The following SH3RF1 variants were observed in gnomAD, a reference collection of about 807,000 sequenced individuals.
SH3RF1 encodes SH3 domain containing ring finger 1.
Under a neutral mutation model 74.0 loss-of-function variants are expected in SH3RF1, and 32 were observed. That is an observed-to-expected ratio of 0.43 (90% CI 0.33 to 0.58). The LOEUF is 0.58. Ranked by LOEUF, SH3RF1 falls within the 20% of genes least tolerant of loss-of-function variation. The probability of loss-of-function intolerance (pLI) is 0.05; values close to 1 mark genes in which losing one functional copy is unlikely to be tolerated. For synonymous variants in SH3RF1, 396 were observed against 439.6 expected, an observed-to-expected ratio of 0.90 and a Z score of 1.24; for missense variants, 954 against 1,130.9, an observed-to-expected ratio of 0.84 and a Z score of 2.24.
chr4:169,211,481 C>CAAAAAA, intron 2 of SH3RF1, among the ~76,000 whole-genome samples: 1 of 90,964 alleles, frequency 1.1e-5, no homozygotes, highest in East Asian at 2.9e-4. Flanking sequence ...GACTCCGTCT[C>CAAAAAA]AAAAAAAAAA....
chr4:169,124,723 T>C (rs1733497142), intron 6 of SH3RF1, among the ~76,000 whole-genome samples: 1 of 152,238 alleles, frequency 6.6e-6, no homozygotes, highest in South Asian at 2.1e-4. Flanking sequence ...GATAGGGTTC[T>C]GGTGACTCCA....
chr4:169,270,834 A>G (rs1731439076), intron 1 of SH3RF1, 25 bp downstream of exon 1: 1 of 151,900 alleles, frequency 6.6e-6, no homozygotes, highest in East Asian at 2.0e-4. Context: ...GTCCCCGTCG[A>G]CCCCGCGCCG....
intron 2 of SH3RF1, among the ~76,000 whole-genome samples, chr4:169,198,816 G>A (rs1293495957): frequency 1.3e-5 from 2 of 152,098 alleles, no homozygotes; most frequent in East Asian, 1.9e-4. Flanking sequence ...AGACTTCAAC[G>A]GAAACAATAG....
chr4:169,157,476 G>T (rs980652619), intron 2 of SH3RF1, among the ~76,000 whole-genome samples: 6 of 152,188 alleles, frequency 3.9e-5, no homozygotes, highest in Non-Finnish European at 8.8e-5. Flanking sequence ...TTAAAATTGT[G>T]TACATAAACC....
intron 9 of SH3RF1, 94 bp from the exon 10 acceptor site, chr4:169,116,724 T>C (rs567915856): frequency 3.8e-5 from 55 of 1,435,862 alleles, no homozygotes; most frequent in Middle Eastern, 2.6e-4. Context: ...CAGACCATGA[T>C]GAAAGGCTGC....
chr4:169,138,556 G>GT (rs1733735317), intron 4 of SH3RF1, among the ~76,000 whole-genome samples: 1 of 152,226 alleles, frequency 6.6e-6, no homozygotes, highest in Non-Finnish European at 1.5e-5. Context: ...TCCTGTCCCA[G>GT]TGAGTAAGAA....
chr4:169,217,782 G>A (rs574697440), intron 2 of SH3RF1, among the ~76,000 whole-genome samples: 4 of 152,180 alleles, frequency 2.6e-5, no homozygotes, highest in East Asian at 1.9e-4. Flanking sequence ...AGTGATGGTC[G>A]CTCAACAATG....
chr4:169,259,827 T>C (rs1731248802), intron 2 of SH3RF1, among the ~76,000 whole-genome samples: 1 of 152,228 alleles, frequency 6.6e-6, no homozygotes, highest in African/African-American at 2.4e-5. Context: ...TATGTCGCTA[T>C]GTGTAGTATT....
At chr4:169,177,736 T>G (rs897166729) in intron 2 of SH3RF1, among the ~76,000 whole-genome samples, 1 of 152,198 alleles carries the variant, frequency 6.6e-6, no homozygotes, top group African/African-American at 2.4e-5. Flanking sequence ...TGCTTACATA[T>G]ATGTAAACAA....
intron 2 of SH3RF1, 152 bp downstream of exon 2, chr4:169,268,668 G>A (rs1731393253): frequency 5.4e-6 from 4 of 745,534 alleles, no homozygotes; most frequent in African/African-American, 1.8e-5. Flanking sequence ...CCAAGATGGG[G>A]GAAAAAAATA....
chr4:169,120,634 TG>T (rs1733422103), intron 8 of SH3RF1, among the ~76,000 whole-genome samples, 184 bp downstream of exon 8: 1 of 152,166 alleles, frequency 6.6e-6, no homozygotes. Flanking sequence ...CATATATCCA[TG>T]TGAAAATAAG....
chr4:169,123,863 A>G (rs1023654362), intron 6 of SH3RF1, among the ~76,000 whole-genome samples: 1 of 151,748 alleles, frequency 6.6e-6, no homozygotes, highest in East Asian at 1.9e-4. Flanking sequence ...CTGCACTCCA[A>G]CCTGGGTGAC....
intron 4 of SH3RF1, among the ~76,000 whole-genome samples, chr4:169,138,647 T>C (rs1465943336): frequency 6.6e-6 from 1 of 152,172 alleles, no homozygotes; most frequent in Non-Finnish European, 1.5e-5. Flanking sequence ...CTAGTTGATA[T>C]CATGTTTAGA....
chr4:169,155,404 T>C (rs1176907561), intron 4 of SH3RF1, 76 bp downstream of exon 4: 3 of 1,150,176 alleles, frequency 2.6e-6, no homozygotes, highest in Non-Finnish European at 3.9e-6. Flanking sequence ...GACTTCTTAA[T>C]ACTCAAATTG....
intron 5 of SH3RF1, among the ~76,000 whole-genome samples, chr4:169,135,542 G>A (rs912044476): frequency 2.6e-5 from 4 of 152,150 alleles, no homozygotes; most frequent in South Asian, 4.1e-4. Context: ...TAGCAGCCCC[G>A]TGGCTTGGGC....
intron 2 of SH3RF1, among the ~76,000 whole-genome samples, chr4:169,262,564 G>A (rs1731295848): frequency 6.6e-6 from 1 of 152,158 alleles, no homozygotes; most frequent in Non-Finnish European, 1.5e-5. Flanking sequence ...CTACTTGGGA[G>A]GCTGAGGTGG....
At position 169,269,038 on chromosome 4, in the gene SH3RF1, C is replaced by T; in HGVS notation, c.175G>A (p.Gly59Ser). ...CPECRTLVGSGVEELPSNILL... is the reference protein window; with the variant it reads ...CPECRTLVGSSVEELPSNILL... ...ATGTTACTGGGAAGCTCCTCGACAC[C>T]CGAGCCAACAAGAGTCCTGCACTCG... Residue 59 changes from glycine to serine, a missense_variant, in exon 2 of 12, where the codon GGT becomes AGT. By Grantham distance (56) the Gly-to-Ser change is moderately conservative. Coordinates refer to ENST00000284637, the MANE Select transcript of SH3RF1 (RefSeq NM_020870.4). The T allele has an allele frequency of 6.2e-7, 1 of 1,614,134 alleles. No individual in the cohort carries two copies. The highest frequency in any genetic ancestry group is 8.5e-7 in the Non-Finnish European group (1 of 1,180,038).
intron 2 of SH3RF1, among the ~76,000 whole-genome samples, chr4:169,188,318 T>C (rs903495401): frequency 6.6e-6 from 1 of 152,234 alleles, no homozygotes; most frequent in Non-Finnish European, 1.5e-5. Context: ...GCAGCAAAGA[T>C]ACATAGTACT....
chr4:169,258,971 C>T (rs1210719438), intron 2 of SH3RF1, among the ~76,000 whole-genome samples: 1 of 152,128 alleles, frequency 6.6e-6, no homozygotes, highest in African/African-American at 2.4e-5. Context: ...GTATCCCACA[C>T]TGACACTCTT....
Sources: gnomAD v4.1 joint callset for allele counts (sites outside exome capture counted in the v4.1 genomes callset) on GRCh38, gnomAD v4.1.1 for gene constraint, MANE v1.5 for transcripts, NCBI Gene and HGNC (gene_info 2026-07-23, HGNC 2026-07-21) for gene names.